Variants in GRIK4 observed in about 807,000 individuals in gnomAD.
The protein encoded by GRIK4 is glutamate ionotropic receptor kainate type subunit 4.
A neutral mutation model predicts 104.9 loss-of-function variants in GRIK4; 40 were observed. The observed-to-expected ratio is 0.38, with a 90% confidence interval of 0.30 to 0.50. GRIK4 has a LOEUF of 0.50. Among genes scored for constraint, GRIK4 ranks in the 20% least tolerant of loss-of-function variants. The pLI is 0.93. For missense variants in GRIK4, 1,047 were observed against 1,308.1 expected (o/e 0.80, Z 3.08); for synonymous variants, 485 against 524.9 (o/e 0.92, Z 1.04).
At chr11:120,546,682 C>T (rs1260325471) in intron 1 of GRIK4, among the ~76,000 whole-genome samples, 1 of 152,128 alleles carries the variant, frequency 6.6e-6, no homozygotes, top group African/African-American at 2.4e-5. Flanking sequence ...GGACCTGGGA[C>T]ATGCTTCTGG....
At position 120,967,047 on chromosome 11, in the gene GRIK4, TG is replaced by T; in HGVS notation, c.2267-145del. On this transcript the variant is annotated intron_variant, in intron 18 of 20. Coordinates refer to ENST00000527524, the MANE Select transcript of GRIK4 (RefSeq NM_014619.5). The surrounding 1 kb of genome is among the most constrained non-coding windows in gnomAD (Gnocchi z 4.2). ...AGTGGAGTAGACAGCACTGGCCCCA[TG>T]GGCTCGCCCCACCCGCTGCATCTGT... 2 of 816,256 alleles carry T rather than the reference TG, an allele frequency of 2.5e-6. No homozygotes were observed. Among genetic ancestry groups the T allele is most frequent in the Non-Finnish European group, 3.8e-6 (2 of 529,552 alleles). 50.6% of individuals were successfully genotyped at this position (816,256 alleles called of 1,614,324 possible).
intron 13 of GRIK4, among the ~76,000 whole-genome samples, chr11:120,912,543 G>A (rs1943023203): frequency 6.6e-6 from 1 of 152,192 alleles, no homozygotes; most frequent in African/African-American, 2.4e-5. Flanking sequence ...GAGCAATACG[G>A]GGGTCACCGG....
At chr11:120,816,980 A>ACCTCACGTGTAATTTACATCTT (rs1436640772) in intron 5 of GRIK4, among the ~76,000 whole-genome samples, 1 of 152,070 alleles carries the variant, frequency 6.6e-6, no homozygotes, top group African/African-American at 2.4e-5. Context: ...AGGAAGTTAG[A>ACCTCACGTGTAATTTACATCTT]CCTCACGTGT....
At chr11:120,817,156 C>G (rs1352939835) in intron 5 of GRIK4, among the ~76,000 whole-genome samples, 3 of 152,146 alleles carry the variant, frequency 2.0e-5, no homozygotes, top group East Asian at 1.9e-4. Context: ...CCTTCTCCCC[C>G]ACCACACAGT....
chr11:120,807,431 G>T (rs1344345050), intron 4 of GRIK4, among the ~76,000 whole-genome samples: 1 of 152,116 alleles, frequency 6.6e-6, no homozygotes, highest in Non-Finnish European at 1.5e-5. Flanking sequence ...TCAGCTGTCC[G>T]CACAGTTTCC....
At chr11:120,622,152 C>T (rs1377065884) in intron 1 of GRIK4, among the ~76,000 whole-genome samples, 3 of 152,148 alleles carry the variant, frequency 2.0e-5, no homozygotes, top group Non-Finnish European at 2.9e-5. Flanking sequence ...CCACCCACCT[C>T]GGCCTCCCAA....
At chr11:120,528,941 G>T (rs908552262) in intron 1 of GRIK4, among the ~76,000 whole-genome samples, 1 of 152,170 alleles carries the variant, frequency 6.6e-6, no homozygotes, top group African/African-American at 2.4e-5. Flanking sequence ...TATTGAGCAT[G>T]TGCCCATCTA....
chr11:120,766,211 C>T (rs960768724), intron 3 of GRIK4, among the ~76,000 whole-genome samples: 2 of 152,198 alleles, frequency 1.3e-5, no homozygotes, highest in Non-Finnish European at 2.9e-5. Context: ...CTGTGGTGTG[C>T]TCCACCCAGT....
At chr11:120,578,773 C>T (rs900731280) in intron 1 of GRIK4, among the ~76,000 whole-genome samples, 7 of 152,220 alleles carry the variant, frequency 4.6e-5, no homozygotes, top group South Asian at 2.1e-4. Flanking sequence ...ACGCCCCGCC[C>T]GGCCCCTGGT....
chr11:120,634,879 G>A (rs2135189291), intron 1 of GRIK4, among the ~76,000 whole-genome samples: 1 of 152,272 alleles, frequency 6.6e-6, no homozygotes, highest in South Asian at 2.1e-4. Context: ...CTTGACTTGA[G>A]CAGGTGGCCA....
intron 1 of GRIK4, among the ~76,000 whole-genome samples, chr11:120,546,520 C>G (rs1353650169): frequency 6.6e-6 from 1 of 152,168 alleles, no homozygotes; most frequent in Non-Finnish European, 1.5e-5. Flanking sequence ...TTCTTTCTCC[C>G]TAGAGATCCA....
chr11:120,762,693 A>G (rs1951770794), intron 3 of GRIK4, among the ~76,000 whole-genome samples: 1 of 152,202 alleles, frequency 6.6e-6, no homozygotes, highest in Non-Finnish European at 1.5e-5. Context: ...CTATTGAGAT[A>G]ATCATGTGGT....
intron 3 of GRIK4, among the ~76,000 whole-genome samples, chr11:120,710,215 A>AT (rs1950703131): frequency 1.4e-5 from 2 of 138,002 alleles, no homozygotes; most frequent in African/African-American, 6.4e-5. Context: ...GGTAGGACAG[A>AT]CTTATCTGTA....
chr11:120,583,068 C>CT (rs1404541381), intron 1 of GRIK4, among the ~76,000 whole-genome samples: 3 of 152,152 alleles, frequency 2.0e-5, no homozygotes, highest in African/African-American at 7.2e-5. Context: ...GAGATGATAT[C>CT]GCCTTGCGGT....
At chr11:120,832,773 A>C (rs531438737) in intron 7 of GRIK4, among the ~76,000 whole-genome samples, 3 of 152,296 alleles carry the variant, frequency 2.0e-5, no homozygotes, top group Non-Finnish European at 4.4e-5. Context: ...CAAGAGAGAG[A>C]GACGTCGGGA....
At chr11:120,523,542 C>G (rs1947820954) in intron 1 of GRIK4, among the ~76,000 whole-genome samples, 1 of 152,188 alleles carries the variant, frequency 6.6e-6, no homozygotes, top group Non-Finnish European at 1.5e-5. Flanking sequence ...CAGTTGCCAT[C>G]CTGCGTTACT....
chr11:120,862,640 C>A (rs1030052310), intron 9 of GRIK4, among the ~76,000 whole-genome samples: 1 of 152,120 alleles, frequency 6.6e-6, no homozygotes, highest in African/African-American at 2.4e-5. Flanking sequence ...TGCGTCACGG[C>A]TCATCCAGAA....
intron 8 of GRIK4, chr11:120,859,216 G>A (rs973977083): frequency 6.6e-6 from 1 of 152,144 alleles, no homozygotes; most frequent in Non-Finnish European, 1.5e-5. Flanking sequence ...CAGATTTCAC[G>A]GTGGTCTTTC....
At chr11:120,578,864 G>T (rs1399692729) in intron 1 of GRIK4, among the ~76,000 whole-genome samples, 3 of 152,204 alleles carry the variant, frequency 2.0e-5, no homozygotes, top group Non-Finnish European at 4.4e-5. Context: ...GGTGGGGAGG[G>T]TTGCAACTGT....
Sources: gnomAD v4.1 joint callset for allele counts (sites outside exome capture counted in the v4.1 genomes callset) on GRCh38, gnomAD v4.1.1 for gene constraint, Gnocchi (gnomAD v3.1) non-coding constraint, MANE v1.5 for transcripts, NCBI Gene and HGNC (gene_info 2026-07-23, HGNC 2026-07-21) for gene names.